The following MUC5B variants were observed in gnomAD, a reference collection of about 807,000 sequenced individuals.
MUC5B encodes the protein mucin 5B, oligomeric mucus/gel-forming.
A neutral mutation model predicts 376.9 loss-of-function variants in MUC5B; 116 were observed. The ratio of observed to expected loss-of-function variants is 0.31; its 90% CI spans 0.26 to 0.36. The LOEUF (loss-of-function observed/expected upper bound fraction) is 0.36, where lower values mean the gene tolerates loss of function less well. Ranked by LOEUF, MUC5B falls within the 10% of genes least tolerant of loss-of-function variation. The probability of loss-of-function intolerance (pLI) is 1.00; values close to 1 mark genes in which losing one functional copy is unlikely to be tolerated. For missense variants in MUC5B, 7,165 were observed against 7,769.9 expected, an observed-to-expected ratio of 0.92 and a Z score of 2.93; for synonymous variants, 3,517 against 3,390.9, an observed-to-expected ratio of 1.04 and a Z score of -1.29.
chr11:1,241,934 T>A lies in MUC5B; in HGVS notation c.5054T>A (p.Val1685Asp). Residue 1685 changes from valine (V) to aspartate (D), a missense_variant, in exon 31 of 49, where the codon GTC becomes GAC. By Grantham distance (152) the Val-to-Asp change is radical. Coordinates refer to ENST00000529681, the MANE Select transcript of MUC5B (RefSeq NM_002458.3). Reference sequence around the variant, plus strand: ...CCTGCAGGCTCCACAGAACCCACTGTCCCAGGGGTGGCCACATCCACCCTT... The same window carrying A: ...CCTGCAGGCTCCACAGAACCCACTGACCCAGGGGTGGCCACATCCACCCTT... The part of the protein sequence containing the change: ...TTPAGSTEPT[V>D]PGVATSTLPT... 1 of 1,608,202 alleles carries A rather than the reference T, an allele frequency of 6.2e-7. No homozygotes were observed. Among genetic ancestry groups the A allele is most frequent in the Non-Finnish European group, 8.5e-7 (1 of 1,177,630 alleles).
rs200954974 is a variant in MUC5B at position 1,245,208 on chromosome 11, A to G, written c.8328A>G (p.Ser2776=). 17,510 of 1,550,056 alleles carry G rather than the reference A, an allele frequency of 0.011. 390 individuals carry two copies. Among genetic ancestry groups the G allele is most frequent in the Non-Finnish European group, 0.011 (12,593 of 1,134,644 alleles). The change falls in exon 31 of 49, where the codon TCA becomes TCG. Residue 2776 remains serine (S), a synonymous_variant. Transcript: ENST00000529681. ...TVRTAWTSAT[S]GTLGTTHITE... ...GCACAGCCTGGACTTCGGCCACCTCAGGCACCTTGGGCACCACCCACATCA... is the reference window on the plus strand; with the variant it reads ...GCACAGCCTGGACTTCGGCCACCTCGGGCACCTTGGGCACCACCCACATCA...
At position 1,245,930 on chromosome 11, in the gene MUC5B, G is replaced by A. The variant is rs779882265; in HGVS notation, c.9050G>A (p.Gly3017Glu). ...GSTAIPSSTP[G>E]TAPPPKVLTS... is the part of the protein sequence containing the mutation. Reference sequence around the variant, plus strand: ...ACGGCCATCCCGTCCTCCACCCCGGGAACAGCTCCCCCTCCCAAAGTGCTG... The same window carrying A: ...ACGGCCATCCCGTCCTCCACCCCGGAAACAGCTCCCCCTCCCAAAGTGCTG... Residue 3017 changes from glycine (G) to glutamate (E), a missense_variant, in exon 31 of 49, where the codon GGA becomes GAA. This residue lies in a region of MUC5B where 939 missense variants were observed against 770.6 expected (regional missense o/e 1.22). Transcript: ENST00000529681. The A allele has an allele frequency of 2.5e-6, 4 of 1,612,424 alleles. 1 individual carries two copies. The South Asian group carries it at 4.4e-5, about 18-fold the overall frequency.
Position 1,241,722 on chromosome 11 carries a change from A to G in MUC5B, c.4842A>G (p.Thr1614=). ...RGRATTPPPT[T]ELETATTTTT... is the part of the protein sequence containing the mutation. ...GTGCCACAACCCCGCCACCGACCACAGAGCTGGAGACGGCCACCACCACCA... is the reference window on the plus strand; with the variant it reads ...GTGCCACAACCCCGCCACCGACCACGGAGCTGGAGACGGCCACCACCACCA... Residue 1614 remains threonine (T), a synonymous_variant, in exon 31 of 49, where the codon ACA becomes ACG. Transcript: ENST00000529681. 1 of 1,612,384 alleles carries G rather than the reference A, an allele frequency of 6.2e-7. No individual in the cohort carries two copies. Among genetic ancestry groups the G allele is most frequent in the Non-Finnish European group, 8.5e-7 (1 of 1,179,654 alleles).
Position 1,244,848 on chromosome 11 carries a change from C to A in MUC5B, c.7968C>A (p.Thr2656=). Residue 2656 remains threonine, a synonymous_variant, in exon 31 of 49, where the codon ACC becomes ACA. Coordinates refer to ENST00000529681, the MANE Select transcript of MUC5B (RefSeq NM_002458.3). The stretch of plus-strand genomic sequence containing the variant: ...CCCCCTCCTCCATCCCGGGGACCAC[C>A]CACACCCCCACAGTGCTGACCACCA... ...TVTPSSIPGT[T]HTPTVLTTTT... 1.9e-6 allele frequency: 3 copies of A among 1,613,674 alleles called. No individual in the cohort carries two copies. Among genetic ancestry groups the A allele is most frequent in the Non-Finnish European group, 1.7e-6 (2 of 1,179,768 alleles).
chr11:1,246,029 C>A lies in MUC5B; in HGVS notation c.9149C>A (p.Thr3050Asn). The change falls in exon 31 of 49, where the codon ACC becomes AAC. Residue 3050 changes from threonine to asparagine, a missense_variant. Thr to Asn is a moderately conservative substitution (Grantham distance 65). This residue lies in a region of MUC5B where 939 missense variants were observed against 770.6 expected (regional missense o/e 1.22). Transcript: ENST00000529681. ...TCCTCCAGTCCAAGGACTGCAACCACCCTTCCAGTGCTGACAAGCACAGCC... is the reference window on the plus strand; with the variant it reads ...TCCTCCAGTCCAAGGACTGCAACCAACCTTCCAGTGCTGACAAGCACAGCC... ...TSSSSPRTAT[T>N]LPVLTSTATK... 3 of 1,613,036 alleles carry A rather than the reference C, an allele frequency of 1.9e-6. No individual in the cohort carries two copies. In the South Asian group the frequency reaches 3.3e-5, roughly 18 times the overall value.
Position 1,239,830 on chromosome 11 carries a change from C to G in MUC5B, c.3615C>G (p.Pro1205=). The G allele has an allele frequency of 6.2e-7, 1 of 1,612,532 alleles. No homozygotes were observed. The highest frequency in any genetic ancestry group is 8.5e-7 in the Non-Finnish European group (1 of 1,179,382). The change falls in exon 28 of 49, where the codon CCC becomes CCG. Residue 1205 remains proline (P), a synonymous_variant. Coordinates refer to ENST00000529681, the MANE Select transcript of MUC5B (RefSeq NM_002458.3). ...GCYPKCPPSQ[P]FFNEDQMKCV... ...ACCCGAAGTGCCCACCCAGCCAGCCCTTCTTCAATGAGGACCAGATGAAGT... is the reference window on the plus strand; with the variant it reads ...ACCCGAAGTGCCCACCCAGCCAGCCGTTCTTCAATGAGGACCAGATGAAGT...
rs182211828 is a variant in MUC5B at position 1,224,827 on chromosome 11, G to A, written c.71-854G>A. On this transcript the variant is annotated intron_variant, in intron 1 of 48. Coordinates refer to ENST00000529681, the MANE Select transcript of MUC5B (RefSeq NM_002458.3). ...AGGCCAGAGTGCGAACCACAGGGCC[G>A]GCCCCTCGCTGAGCCCTGACCATGC... 1.5e-4 allele frequency among the ~76,000 whole-genome samples: 23 copies of A among 152,268 alleles called. No individual in the cohort carries two copies. In the East Asian group the frequency reaches 4.4e-3, roughly 29 times the overall value.
rs750280221 is a variant in MUC5B, at chr11:1,255,231, C to T, written c.15855C>T (p.Cys5285=). 2 of 1,532,240 alleles carry T rather than the reference C, an allele frequency of 1.3e-6. No homozygotes were observed. Among genetic ancestry groups the T allele is most frequent in the South Asian group, 2.4e-5 (2 of 81,976 alleles). The allele number at this position is 1,532,240 out of a possible 1,614,324, so 94.9% of individuals were successfully genotyped here. The change falls in exon 36 of 49, where the codon TGC becomes TGT. Residue 5285 remains cysteine (C), a synonymous_variant. Coordinates refer to ENST00000529681, the MANE Select transcript of MUC5B (RefSeq NM_002458.3). ...CTAGCACACCCACCCCCACCCCATG[C>T]CCACCACAGCCGCTCTGTGATCTGA... is the stretch of plus-strand genomic sequence containing the variant. The part of the protein sequence containing the change: ...PVSSTPTPTP[C]PPQPLCDLML...
At chr11:1,237,262 G>C (rs1862181567) in intron 25 of MUC5B, 98 bp downstream of exon 25, 1 of 1,284,748 alleles carries the variant, frequency 7.8e-7, no homozygotes, top group Middle Eastern at 2.9e-4. Flanking sequence ...AGCGCTCCAA[G>C]GAGGGTCTGA....
Position 1,252,445 on chromosome 11 carries a change from C to T in MUC5B, c.14966C>T (p.Ser4989Phe), listed in dbSNP as rs1490349534. The part of the protein sequence containing the change: ...IDRFQGACPT[S>F]PPPVSSAPLS... ...CGCTTCCAGGGCGCCTGTCCCACCT[C>T]CCCACCGCCAGTGTCCTCCGCCCCG... The change falls in exon 32 of 49, where the codon TCC becomes TTC. Residue 4989 changes from serine to phenylalanine, a missense_variant. By Grantham distance (155) the Ser-to-Phe change is radical. Coordinates refer to ENST00000529681, the MANE Select transcript of MUC5B (RefSeq NM_002458.3). 3.7e-6 allele frequency: 6 copies of T among 1,610,790 alleles called. No individual in the cohort carries two copies. Among genetic ancestry groups the T allele is most frequent in the South Asian group, 1.1e-5 (1 of 90,794 alleles).
intron 3 of MUC5B, 22 bp from the exon 4 acceptor site, chr11:1,226,593 C>T (rs1473497175): frequency 1.9e-6 from 3 of 1,595,946 alleles, no homozygotes; most frequent in Admixed American, 1.7e-5. Context: ...TGGGGATGGG[C>T]CTCATCCCGC....
rs537437749 is a variant in MUC5B at position 1,261,960 on chromosome 11, G to A, written c.*352G>A. On this transcript the variant is annotated 3_prime_UTR_variant, in exon 49 of 49. Transcript: ENST00000529681. ...CGCCCGCGCAGCACGGATTCCAGCT[G>A]GCCACGTCCGGCCGCTGGGGCAGAC... 1 of 502,934 alleles carries A rather than the reference G, an allele frequency of 2.0e-6. No individual in the cohort carries two copies. Among genetic ancestry groups the A allele is most frequent in the African/African-American group, 1.9e-5 (1 of 52,134 alleles). The allele number at this position is 502,934 out of a possible 1,614,324, so 31.2% of individuals were successfully genotyped here.
In MUC5B at chr11:1,261,604, T is replaced by C; in HGVS notation, c.17285T>C (p.Val5762Ala). Residue 5762 changes from valine (V) to alanine (A), a missense_variant, in exon 49 of 49, where the codon GTC becomes GCC. By Grantham distance (64) the Val-to-Ala change is moderately conservative. This residue lies in a region of MUC5B where 842 missense variants were observed against 1,016.9 expected (regional missense o/e 0.83). Coordinates refer to ENST00000529681, the MANE Select transcript of MUC5B (RefSeq NM_002458.3). ...RGFPAQEATA[V>A] ...TTCCCGGCCCAGGAGGCCACTGCTGTCTGAGAACGTTCTGCCTCCATCCCC... is the reference window on the plus strand; with the variant it reads ...TTCCCGGCCCAGGAGGCCACTGCTGCCTGAGAACGTTCTGCCTCCATCCCC... The C allele has an allele frequency of 6.2e-7, 1 of 1,602,718 alleles. No homozygotes were observed. Among genetic ancestry groups the C allele is most frequent in the Non-Finnish European group, 8.5e-7 (1 of 1,175,812 alleles).
rs767964632 is a variant in MUC5B, at chr11:1,243,583, T to C, written c.6703T>C (p.Ser2235Pro). The change falls in exon 31 of 49, where the codon TCC becomes CCC. Residue 2235 changes from serine (S) to proline (P), a missense_variant. By Grantham distance (74) the Ser-to-Pro change is moderately conservative. This residue lies in a region of MUC5B where 67 missense variants were observed against 103.0 expected (regional missense o/e 0.65). Coordinates refer to ENST00000529681, the MANE Select transcript of MUC5B (RefSeq NM_002458.3). ...CATCACAGAGCCTTCCACGGTGACT[T>C]CCCACACCCTAGCAGCAACCACCGG... ...THITEPSTVT[S>P]HTLAATTGTT... 6 of 1,604,190 alleles carry C rather than the reference T, an allele frequency of 3.7e-6. No homozygotes were observed. Among genetic ancestry groups the C allele is most frequent in the African/African-American group, 1.4e-5 (1 of 72,844 alleles).
chr11:1,225,168 C>T (rs564466001), intron 1 of MUC5B, among the ~76,000 whole-genome samples: 2 of 152,228 alleles, frequency 1.3e-5, no homozygotes, highest in Non-Finnish European at 1.5e-5. Context: ...GGATCTAGTT[C>T]GAAACTGGTT....
rs376402272 is a variant in MUC5B, at chr11:1,234,277, G to A, written c.2450G>A (p.Arg817Gln). 2.6e-5 allele frequency: 41 copies of A among 1,606,700 alleles called. No individual in the cohort carries two copies. In the Admixed American group the frequency reaches 4.9e-4, roughly 19 times the overall value. Residue 817 changes from arginine to glutamine, a missense_variant, in exon 20 of 49, where the codon CGG (arginine) becomes CAG (glutamine). By Grantham distance (43) the Arg-to-Gln change is conservative. Transcript: ENST00000529681. This position sits in a 1 kb window ranked among gnomAD's most constrained non-coding sequence, Gnocchi z 6.3. Reference protein sequence around the residue: ...SAGTPGAECLRSCHTLDVGCF... With the variant: ...SAGTPGAECLQSCHTLDVGCF... ...GGCACCCCTGGGGCCGAGTGCCTCCGGAGCTGCCACACGCTGGACGTGGGC... is the reference window on the plus strand; with the variant it reads ...GGCACCCCTGGGGCCGAGTGCCTCCAGAGCTGCCACACGCTGGACGTGGGC...
At position 1,234,335 on chromosome 11, in the gene MUC5B, CAGGG is replaced by C; in HGVS notation, c.2478+32_2478+35del. 6.9e-7 allele frequency: 1 copy of C among 1,448,176 alleles called. No homozygotes were observed. The highest frequency in any genetic ancestry group is 9.6e-7 in the Non-Finnish European group (1 of 1,044,010). The allele number at this position is 1,448,176 out of a possible 1,614,324, so 89.7% of individuals were successfully genotyped here. A position where few individuals can be genotyped will look rare whatever the true frequency, so the allele number is the denominator to read the frequency against. On this transcript the variant is annotated intron_variant, in intron 20 of 48. Coordinates refer to ENST00000529681, the MANE Select transcript of MUC5B (RefSeq NM_002458.3). This position sits in a 1 kb window ranked among gnomAD's most constrained non-coding sequence, Gnocchi z 6.3. ...GTTCCATGCTTCAGGGAGGGGTGGG[CAGGG>C]AAGGGGTCCCAGCTTTCCCAGCTCC... is the stretch of plus-strand genomic sequence containing the variant.
In MUC5B at chr11:1,247,288, G is replaced by T. The variant is rs1862512571; in HGVS notation, c.10408G>T (p.Ala3470Ser). The T allele has an allele frequency of 6.2e-7, 1 of 1,611,694 alleles. No homozygotes were observed. Among genetic ancestry groups the T allele is most frequent in the Non-Finnish European group, 8.5e-7 (1 of 1,179,526 alleles). Residue 3470 changes from alanine (A) to serine (S), a missense_variant, in exon 31 of 49, where the codon GCC becomes TCC. By Grantham distance (99) the Ala-to-Ser change is moderately conservative. Transcript: ENST00000529681. ...PPSSPHTVRT[A>S]WTSATSGILG... ...CAGCAGTCCCCACACGGTGCGCACA[G>T]CCTGGACTTCGGCCACCTCGGGCAT...
intron 38 of MUC5B, among the ~76,000 whole-genome samples, chr11:1,256,441 C>A (rs1184477170): frequency 6.6e-6 from 1 of 150,770 alleles, no homozygotes; most frequent in East Asian, 2.0e-4. Context: ...GGCCCCGCAT[C>A]CCCACCTGGC....
Sources: allele counts gnomAD v4.1 joint callset (sites outside exome capture counted in the v4.1 genomes callset), GRCh38; gene constraint gnomAD v4.1.1; regional missense constraint gnomAD v4.1.1; non-coding constraint Gnocchi (gnomAD v3.1); transcripts MANE v1.5; gene names NCBI Gene and HGNC (gene_info 2026-07-23, HGNC 2026-07-21).